The following TARS2 variants were observed in gnomAD, a reference collection of about 807,000 sequenced individuals.
TARS2 encodes threonyl-tRNA synthetase 2, mitochondrial.
A neutral mutation model predicts 94.4 loss-of-function variants in TARS2; 61 were observed. That is an observed-to-expected ratio of 0.65 (90% CI 0.53 to 0.80). TARS2 has a LOEUF of 0.80. TARS2 is among the 30% of genes least tolerant of loss of function. The probability of loss-of-function intolerance (pLI) is 0.00; values close to 1 mark genes in which losing one functional copy is unlikely to be tolerated. For synonymous variants in TARS2, 359 were observed against 353.4 expected (o/e 1.02, Z -0.18); for missense variants, 704 against 902.5 (o/e 0.78, Z 2.82).
At chr1:150,501,820 AAAAT>A (rs1214225707) in intron 13 of TARS2, among the ~76,000 whole-genome samples, 2 of 152,094 alleles carry the variant, frequency 1.3e-5, no homozygotes, top group Non-Finnish European at 2.9e-5. Flanking sequence ...CTGTCTCAAT[AAAAT>A]AAATAAATAA....
chr1:150,496,767 C>G (rs1197115353), intron 8 of TARS2, 43 bp from the exon 9 acceptor site: 1 of 1,611,436 alleles, frequency 6.2e-7, no homozygotes, highest in South Asian at 1.1e-5. Context: ...AAAGCCACCT[C>G]CTTGCCCTTG....
chr1:150,498,716 C>T, intron 11 of TARS2, 52 bp downstream of exon 11: 3 of 1,611,898 alleles, frequency 1.9e-6, no homozygotes, highest in Non-Finnish European at 2.5e-6. Flanking sequence ...TTTCTTTCTC[C>T]CTATGAACCT....
At chr1:150,505,502 T>A (rs2102513050) in intron 16 of TARS2, 89 bp from the exon 17 acceptor site, 1 of 1,152,680 alleles carries the variant, frequency 8.7e-7, no homozygotes, top group Non-Finnish European at 1.3e-6. Flanking sequence ...GAGGAACAGA[T>A]GGGGGCATTG....
intron 11 of TARS2, 80 bp downstream of exon 11, chr1:150,498,744 A>T: frequency 6.2e-7 from 1 of 1,607,718 alleles, no homozygotes; most frequent in Non-Finnish European, 8.5e-7. Context: ...CCTGATCTTT[A>T]TTTGCCCCCT....
rs1212664018 is a variant in TARS2 at position 150,498,592 on chromosome 1, T to G, written c.1329T>G (p.Gly443=). ...FGALHRAEAS[G]GLGGLTRLRC... ...CTCTACACCGGGCCGAAGCCTCTGG[T>G]GGTCTGGGGGGACTGACCCGACTGC... The change falls in exon 11 of 18, where the codon GGT becomes GGG. Residue 443 remains glycine (G), a synonymous_variant. Transcript: ENST00000369064. 3 of 1,611,822 alleles carry G rather than the reference T, an allele frequency of 1.9e-6. No individual in the cohort carries two copies. The Admixed American group carries it at 5.1e-5, about 27-fold the overall frequency.
intron 13 of TARS2, among the ~76,000 whole-genome samples, chr1:150,502,070 G>A (rs1354487957): frequency 1.4e-5 from 2 of 147,310 alleles, no homozygotes; most frequent in Admixed American, 6.8e-5. Flanking sequence ...GTACCACCAC[G>A]CCCGGCTAAT....
In TARS2 at chr1:150,505,720, A is replaced by G. The variant is rs772319603; in HGVS notation, c.2008+15A>G. The G allele has an allele frequency of 6.2e-7, 1 of 1,607,322 alleles. No homozygotes were observed. The highest frequency in any genetic ancestry group is 1.3e-5 in the African/African-American group (1 of 74,782). On this transcript the variant is annotated intron_variant, in intron 17 of 17. Transcript: ENST00000369064. ...TTTTCAGTTTGGTAAGCTGAACCTC[A>G]GAGCCAATGTTCTCCCACCTGCCGT...
intron 10 of TARS2, among the ~76,000 whole-genome samples, chr1:150,498,162 C>T (rs1252278150): frequency 2.0e-5 from 3 of 152,046 alleles, no homozygotes; most frequent in Non-Finnish European, 2.9e-5. Flanking sequence ...ACAGTCTTCC[C>T]CCTAGCTAAC....
intron 7 of TARS2, 94 bp downstream of exon 7, chr1:150,492,583 A>C (rs1669445282): frequency 7.6e-7 from 1 of 1,313,900 alleles, no homozygotes; most frequent in Non-Finnish European, 1.1e-6. Flanking sequence ...AGGCTGAGGC[A>C]GATGGATCAT....
At chr1:150,492,359 G>A (rs375868769) in intron 6 of TARS2, 52 bp from the exon 7 acceptor site, 4 of 1,576,024 alleles carry the variant, frequency 2.5e-6, no homozygotes, top group Middle Eastern at 1.7e-4. Context: ...GAGGGAGAAA[G>A]CTAGAAGCTG....
At chr1:150,495,381 T>G (rs1669617106) in intron 7 of TARS2, among the ~76,000 whole-genome samples, 1 of 151,596 alleles carries the variant, frequency 6.6e-6, no homozygotes, top group Admixed American at 6.6e-5. Context: ...TAGTACTGTT[T>G]AACAGTTTTA....
chr1:150,504,614 C>G lies in TARS2; in HGVS notation c.1719-18C>G, dbSNP rs776935029. The G allele has an allele frequency of 3.1e-6, 5 of 1,612,448 alleles. No individual in the cohort carries two copies. Among genetic ancestry groups the G allele is most frequent in the Non-Finnish European group, 3.4e-6 (4 of 1,178,730 alleles). Reference sequence around the variant, plus strand: ...ATACTTCCACCATTCCATCCACCCCCCCCTTTTTCCTTTCAAGGCAGGCGG... The same window carrying G: ...ATACTTCCACCATTCCATCCACCCCGCCCTTTTTCCTTTCAAGGCAGGCGG... On this transcript the variant is annotated intron_variant, in intron 14 of 17. Coordinates refer to ENST00000369064, the MANE Select transcript of TARS2 (RefSeq NM_025150.5).
In TARS2 at chr1:150,499,387, A is replaced by G. The variant is rs1036348390; in HGVS notation, c.1617+94A>G. The G allele has an allele frequency of 6.9e-6, 8 of 1,162,742 alleles. No homozygotes were observed. The African/African-American group carries it at 1.1e-4, about 16-fold the overall frequency. The allele number at this position is 1,162,742 out of a possible 1,614,324, so 72.0% of individuals were successfully genotyped here. ...GATACAAAGAATTTTTTTTTTTGAGACAGTCTCACTCTGTCACCCAGGCTA... is the reference window on the plus strand; with the variant it reads ...GATACAAAGAATTTTTTTTTTTGAGGCAGTCTCACTCTGTCACCCAGGCTA... On this transcript the variant is annotated intron_variant, in intron 13 of 17. Transcript: ENST00000369064.
chr1:150,503,644 T>TGTGTGTATAC (rs1570867230), intron 13 of TARS2, among the ~76,000 whole-genome samples: 17 of 117,476 alleles, frequency 1.4e-4, no homozygotes, highest in Admixed American at 6.4e-4. Flanking sequence ...TGTGTGTATA[T>TGTGTGTATAC]ATGTGTGTAT....
At position 150,489,066 on chromosome 1, in the gene TARS2, C is replaced by T. The variant is rs376600610; in HGVS notation, c.366C>T (p.Phe122=). 7.3e-5 allele frequency: 118 copies of T among 1,614,144 alleles called. No homozygotes were observed. The highest frequency in any genetic ancestry group is 3.3e-4 in the Middle Eastern group (2 of 6,060). Residue 122 remains phenylalanine (F), a synonymous_variant, in exon 3 of 18, where the codon TTC becomes TTT. Transcript: ENST00000369064. ...ATTCTGACCTCAGATTTCTGACATT[C>T]GATTCCCCAGAGGGGAAAGCAGTAA... is the stretch of plus-strand genomic sequence containing the variant. ...ETDSDLRFLT[F]DSPEGKAVFW... is the part of the protein sequence containing the mutation.
intron 6 of TARS2, 194 bp from the exon 7 acceptor site, chr1:150,492,217 G>T: frequency 1.9e-6 from 1 of 540,404 alleles, no homozygotes; most frequent in Admixed American, 3.1e-5. Context: ...ACCCACCTTG[G>T]CCTCCCAAAG....
rs940922533 is a variant in TARS2, at chr1:150,507,185, T to G, written c.*121T>G. On this transcript the variant is annotated 3_prime_UTR_variant, in exon 18 of 18. Coordinates refer to ENST00000369064, the MANE Select transcript of TARS2 (RefSeq NM_025150.5). ...CTTCAGAACTGTGTGGAGGCACATG[T>G]CTGCTCTCCTGAAAAGAGACTTGGT... The G allele has an allele frequency of 1.1e-5, 15 of 1,340,310 alleles. No homozygotes were observed. The highest frequency in any genetic ancestry group is 1.5e-5 in the Non-Finnish European group (15 of 993,678). The allele number at this position is 1,340,310 out of a possible 1,614,324, so 83.0% of individuals were successfully genotyped here. A position where few individuals can be genotyped will look rare whatever the true frequency, so the allele number is the denominator to read the frequency against.
chr1:150,500,359 G>A (rs1005049699), intron 13 of TARS2, among the ~76,000 whole-genome samples: 1 of 152,084 alleles, frequency 6.6e-6, no homozygotes, highest in Non-Finnish European at 1.5e-5. Flanking sequence ...GGAGGCCGAC[G>A]TGGGTGGATC....
In TARS2 at chr1:150,490,467, A is replaced by G. The variant is rs183350764; in HGVS notation, c.388-134A>G. On this transcript the variant is annotated intron_variant, in intron 3 of 17. Transcript: ENST00000369064. ...TTAGTGGTCACCCCCAAAATCTAGGATCCCCATTTTGTGGTAGTTATTCCT... is the reference window on the plus strand; with the variant it reads ...TTAGTGGTCACCCCCAAAATCTAGGGTCCCCATTTTGTGGTAGTTATTCCT... The G allele has an allele frequency of 6.7e-5, 90 of 1,351,392 alleles. No individual in the cohort carries two copies. In the Admixed American group the frequency reaches 2.1e-3, roughly 32 times the overall value. 83.7% of individuals were successfully genotyped at this position (1,351,392 alleles called of 1,614,324 possible).
Sources: allele counts gnomAD v4.1 joint callset (sites outside exome capture counted in the v4.1 genomes callset), GRCh38; gene constraint gnomAD v4.1.1; transcripts MANE v1.5; gene names NCBI Gene and HGNC (gene_info 2026-07-23, HGNC 2026-07-21).